COA1: variants seen among roughly 807,000 people sequenced by gnomAD.
COA1 encodes cytochrome c oxidase assembly factor 1.
In COA1, 13 loss-of-function variants were observed where a neutral mutation model predicts 16.0. The observed-to-expected ratio is 0.81, with a 90% confidence interval of 0.53 to 1.29. The LOEUF (loss-of-function observed/expected upper bound fraction) is 1.29, where lower values mean the gene tolerates loss of function less well. Among genes scored for constraint, COA1 ranks in the 50% most tolerant of loss-of-function variants. The pLI is 0.00. For missense variants in COA1, 179 were observed against 177.0 expected, an observed-to-expected ratio of 1.01 and a Z score of -0.06; for synonymous variants, 65 against 65.7, an observed-to-expected ratio of 0.99 and a Z score of 0.05.
intron 6 of COA1, among the ~76,000 whole-genome samples, chr7:43,614,114 G>T (rs2083126025): frequency 6.6e-6 from 1 of 152,088 alleles, no homozygotes; most frequent in Admixed American, 6.5e-5. Context: ...GACACCCTAA[G>T]CCTTATTGAG....
At chr7:43,705,096 A>G (rs1292064444) in intron 1 of COA1, among the ~76,000 whole-genome samples, 1 of 152,212 alleles carries the variant, frequency 6.6e-6, no homozygotes, top group East Asian at 1.9e-4. Context: ...CTCCTGGGCT[A>G]CATGCTCTAA....
intron 1 of COA1, among the ~76,000 whole-genome samples, chr7:43,714,406 T>C (rs945611001): frequency 5.9e-5 from 9 of 151,884 alleles, no homozygotes; most frequent in African/African-American, 1.5e-4. Flanking sequence ...GGAGGGTGGA[T>C]TGCCTGAGGT....
downstream of COA1, among the ~76,000 whole-genome samples, chr7:43,636,794 T>G (rs1429966375): frequency 2.0e-5 from 3 of 152,358 alleles, no homozygotes; most frequent in Middle Eastern, 3.4e-3. Flanking sequence ...ATCTGTGACT[T>G]ACTTGAAAGT....
intron 1 of COA1, among the ~76,000 whole-genome samples, chr7:43,681,800 AG>A (rs1284263435): frequency 1.3e-5 from 2 of 152,212 alleles, no homozygotes; most frequent in Non-Finnish European, 2.9e-5. Flanking sequence ...CTACATCAAC[AG>A]GAACATTCTG....
chr7:43,726,370 T>C (rs1247598247), intron 1 of COA1, among the ~76,000 whole-genome samples: 1 of 152,176 alleles, frequency 6.6e-6, no homozygotes, highest in Non-Finnish European at 1.5e-5. Flanking sequence ...TATCCTAAAC[T>C]ATTAGCCAGA....
At chr7:43,691,294 AAAG>A (rs2094298517) in intron 1 of COA1, among the ~76,000 whole-genome samples, 2 of 73,940 alleles carry the variant, frequency 2.7e-5, no homozygotes, top group African/African-American at 8.7e-5. Context: ...AGAAAGAAAG[AAAG>A]AAAGAAAGAA....
rs1412584529 is a variant in COA1 at position 43,647,423 on chromosome 7, C to G, written c.115+112G>C. The G allele has an allele frequency of 3.8e-6, 3 of 798,014 alleles. No individual in the cohort carries two copies. The African/African-American group carries it at 5.1e-5, about 14-fold the overall frequency. The allele number at this position is 798,014 out of a possible 1,614,324, so 49.4% of individuals were successfully genotyped here. On this transcript the variant is annotated intron_variant, in intron 3 of 5. Coordinates refer to ENST00000223336, the MANE Select transcript of COA1 (RefSeq NM_018224.4). ...AATGGTGGACTAGCCTTTAAAATCA[C>G]CCTCTCCTCCTTTCTCTAATCTAAA... is the stretch of plus-strand genomic sequence containing the variant.
At chr7:43,651,748 AC>A (rs1250263965) in intron 1 of COA1, among the ~76,000 whole-genome samples, 1 of 150,668 alleles carries the variant, frequency 6.6e-6, no homozygotes, top group Non-Finnish European at 1.5e-5. Context: ...TGTAATCCCC[AC>A]CTTTCAGGAG....
At chr7:43,642,652 A>G (rs2087489809) in intron 4 of COA1, among the ~76,000 whole-genome samples, 1 of 152,196 alleles carries the variant, frequency 6.6e-6, no homozygotes, top group African/African-American at 2.4e-5. Context: ...CTGAGGGGCC[A>G]ATGTCTGAAC....
At chr7:43,608,999 A>G (rs745617408) in exon 7 of COA1, 1 of 152,356 alleles carries the variant, frequency 6.6e-6, no homozygotes, top group Non-Finnish European at 1.5e-5. Context: ...AAAGAAAAAC[A>G]AAGGACAGTA....
chr7:43,636,645 C>G (rs1584062579), downstream of COA1, among the ~76,000 whole-genome samples: 1 of 152,128 alleles, frequency 6.6e-6, no homozygotes, highest in South Asian at 2.1e-4. Context: ...ATTTTAGTGT[C>G]ACTGTTCCTG....
At chr7:43,637,257 C>A (rs887977891), downstream of COA1, among the ~76,000 whole-genome samples, 2 of 152,310 alleles carry the variant, frequency 1.3e-5, no homozygotes, top group African/African-American at 4.8e-5. Context: ...TCTCTACAAC[C>A]CCTGCCCATC....
intron 1 of COA1, among the ~76,000 whole-genome samples, chr7:43,696,198 T>C (rs186109189): frequency 5.9e-5 from 9 of 152,310 alleles, no homozygotes; most frequent in Non-Finnish European, 8.8e-5. Flanking sequence ...GCCAGTTTCT[T>C]CTAATTGAAA....
intron 6 of COA1, among the ~76,000 whole-genome samples, chr7:43,633,814 T>C (rs1401499156): frequency 2.6e-5 from 4 of 151,604 alleles, no homozygotes; most frequent in South Asian, 2.1e-4. Context: ...ATTTTTTTTT[T>C]CAAATACTTT....
At chr7:43,670,153 G>C (rs993392495) in intron 1 of COA1, among the ~76,000 whole-genome samples, 1 of 152,030 alleles carries the variant, frequency 6.6e-6, no homozygotes, top group African/African-American at 2.4e-5. Flanking sequence ...TAATGGATGT[G>C]TATAAAACAT....
Position 43,655,344 on chromosome 7 carries a change from C to T in COA1, c.-38-6692G>A, listed in dbSNP as rs552475569. ...AAAAGACATACAATATTTAAATTTA[C>T]AATACAGCCTAAAATTCCAGATATT... On this transcript the variant is annotated intron_variant, in intron 1 of 5. Coordinates refer to ENST00000223336, the MANE Select transcript of COA1 (RefSeq NM_018224.4). 7.2e-5 allele frequency among the ~76,000 whole-genome samples: 11 copies of T among 152,222 alleles called. No individual in the cohort carries two copies. The East Asian group carries it at 2.1e-3, about 29-fold the overall frequency.
Position 43,692,728 on chromosome 7 carries a change from AAG to A in COA1, c.-39+36699_-39+36700del, listed in dbSNP as rs572143000. On this transcript the variant is annotated intron_variant, in intron 1 of 5. Coordinates refer to ENST00000223336, the MANE Select transcript of COA1 (RefSeq NM_018224.4). ...AAATCAAACATTTACCAACAGAAAA[AAG>A]AGTCATGAGTATGACTAGGCAATTC... 6.6e-3 allele frequency among the ~76,000 whole-genome samples: 1,002 copies of A among 152,312 alleles called. 9 individuals carry two copies. The highest frequency in any genetic ancestry group is 0.051 in the Middle Eastern group (15 of 294).
intron 1 of COA1, among the ~76,000 whole-genome samples, chr7:43,670,094 T>C (rs2153194695): frequency 6.6e-6 from 1 of 152,258 alleles, no homozygotes; most frequent in Admixed American, 6.5e-5. Flanking sequence ...TTCCAAACTA[T>C]TGTAACAGCT....
At chr7:43,615,388 G>GA (rs1166415281) in intron 6 of COA1, among the ~76,000 whole-genome samples, 1 of 151,898 alleles carries the variant, frequency 6.6e-6, no homozygotes, top group Non-Finnish European at 1.5e-5. Context: ...TGTTGCCCAG[G>GA]CTGGTCTCGA....
Sources: gnomAD v4.1 joint callset for allele counts (sites outside exome capture counted in the v4.1 genomes callset) on GRCh38, gnomAD v4.1.1 for gene constraint, MANE v1.5 for transcripts, NCBI Gene and HGNC (gene_info 2026-07-23, HGNC 2026-07-21) for gene names.